The following EML6 variants were observed in gnomAD, a reference collection of about 807,000 sequenced individuals.
EML6 encodes the protein echinoderm microtubule-associated protein-like 6.
EML6 carries 154 observed loss-of-function variants against 240.1 expected under a neutral mutation model. The observed-to-expected ratio is 0.64, with a 90% CI of 0.56 to 0.73. The LOEUF (loss-of-function observed/expected upper bound fraction) is 0.73. EML6 is among the 30% of genes least tolerant of loss of function. The probability of loss-of-function intolerance (pLI) is 0.00; values close to 1 mark genes in which losing one functional copy is unlikely to be tolerated. For missense variants in EML6, 2,964 were observed against 2,474.6 expected, an observed-to-expected ratio of 1.20 and a Z score of -4.20; for synonymous variants, 1,148 against 899.0, an observed-to-expected ratio of 1.28 and a Z score of -4.95.
At chr2:54,908,089 T>G (rs1185581191) in intron 24 of EML6, among the ~76,000 whole-genome samples, 1 of 152,126 alleles carries the variant, frequency 6.6e-6, no homozygotes, top group Non-Finnish European at 1.5e-5. Flanking sequence ...TAAAGAAAAT[T>G]TTGGTTTTAA....
intron 17 of EML6, among the ~76,000 whole-genome samples, chr2:54,889,788 T>C (rs1209536987): frequency 6.6e-6 from 1 of 152,236 alleles, no homozygotes; most frequent in Non-Finnish European, 1.5e-5. Flanking sequence ...CATTAGTTTA[T>C]ATGTTCAATA....
intron 2 of EML6, among the ~76,000 whole-genome samples, chr2:54,793,923 A>G (rs1025901615): frequency 1.3e-5 from 2 of 152,144 alleles, no homozygotes. Context: ...TCCTTCTCAA[A>G]GAGAAAGTGT....
intron 2 of EML6, among the ~76,000 whole-genome samples, chr2:54,787,406 A>T (rs72917518): frequency 0.053 from 8,119 of 152,204 alleles, 693 homozygotes; most frequent in African/African-American, 0.18. Context: ...ATTGAATTGT[A>T]GTCATACAGA....
Position 54,774,555 on chromosome 2 carries a change from T to C in EML6, c.198-38677T>C, listed in dbSNP as rs745339703. On this transcript the variant is annotated intron_variant, in intron 2 of 41. Transcript: ENST00000356458. This position sits in a 1 kb window ranked among gnomAD's most constrained non-coding sequence, Gnocchi z 4.1. ...GGGAGAATGGAAGAGCTAGCATCTC[T>C]GCTACACTACATCATAGGGTGGTTG... Among the ~76,000 whole-genome samples the C allele has an allele frequency of 1.3e-5, 2 of 152,208 alleles. No individual in the cohort carries two copies. Among genetic ancestry groups the C allele is most frequent in the Non-Finnish European group, 2.9e-5 (2 of 68,032 alleles).
intron 3 of EML6, among the ~76,000 whole-genome samples, chr2:54,814,435 C>T (rs187881492): frequency 1.3e-5 from 2 of 152,294 alleles, no homozygotes; most frequent in Non-Finnish European, 2.9e-5. Context: ...AAAGTAAAAA[C>T]GGAGGGGTCA....
intron 19 of EML6, among the ~76,000 whole-genome samples, chr2:54,894,086 A>G (rs1021656132): frequency 2.0e-5 from 3 of 152,132 alleles, no homozygotes; most frequent in Non-Finnish European, 4.4e-5. Flanking sequence ...AATTCTATAT[A>G]AGAATAAGGA....
At chr2:54,936,736 A>G (rs1360594188) in intron 28 of EML6, among the ~76,000 whole-genome samples, 1 of 152,130 alleles carries the variant, frequency 6.6e-6, no homozygotes, top group Non-Finnish European at 1.5e-5. Flanking sequence ...TAGACTTACC[A>G]CTTCCTGTTT....
chr2:54,783,608 G>C (rs1668948016), intron 2 of EML6, among the ~76,000 whole-genome samples: 1 of 151,300 alleles, frequency 6.6e-6, no homozygotes, highest in African/African-American at 2.5e-5. Flanking sequence ...CGTGTAATTA[G>C]CTGTAGTTTA....
At chr2:54,813,201 A>G (rs1020151412) in intron 2 of EML6, 31 bp from the exon 3 acceptor site, 3 of 1,497,546 alleles carry the variant, frequency 2.0e-6, no homozygotes, top group Admixed American at 2.2e-5. Context: ...CTTCAGTTGG[A>G]AGATGTGAAA....
chr2:54,749,510 C>A (rs1684059998), intron 2 of EML6, among the ~76,000 whole-genome samples: 1 of 151,950 alleles, frequency 6.6e-6, no homozygotes. Context: ...GAAGATAAAA[C>A]CAACATTTTA....
chr2:54,776,154 T>G (rs1386588348), intron 2 of EML6, among the ~76,000 whole-genome samples: 1 of 152,152 alleles, frequency 6.6e-6, no homozygotes, highest in Non-Finnish European at 1.5e-5. Flanking sequence ...TTGTTTTGCC[T>G]TAGGCTTTTA....
intron 11 of EML6, among the ~76,000 whole-genome samples, chr2:54,859,067 A>G (rs1166947299): frequency 6.6e-6 from 1 of 152,248 alleles, no homozygotes. Context: ...ACCTGGGGTT[A>G]GTGTTCACTG....
At position 54,816,870 on chromosome 2, in the gene EML6, C is replaced by T. The variant is rs186281872; in HGVS notation, c.441C>T (p.Thr147=). 502 of 1,550,766 alleles carry T rather than the reference C, an allele frequency of 3.2e-4. 4 individuals carry two copies. In the East Asian group the frequency reaches 8.8e-3, roughly 27 times the overall value. Residue 147 remains threonine (T), a synonymous_variant, in exon 4 of 42, where the codon ACC becomes ACT. Transcript: ENST00000356458. ...WRKGKLLASA[T]GHSDRIFDIS... ...AGGGAAAACTTCTGGCGTCAGCCAC[C>T]GGCCATTCTGACAGGGTAAGAACTT... is the stretch of plus-strand genomic sequence containing the variant.
rs1044759456 is a variant in EML6 at position 54,910,832 on chromosome 2, T to C, written c.3410-122T>C. ...ATGCCCTTCTGAATAATTCAAAATG[T>C]ATTTACTCAATTTGTGAGACTTTGA... On this transcript the variant is annotated intron_variant, in intron 24 of 41. Coordinates refer to ENST00000356458, the MANE Select transcript of EML6 (RefSeq NM_001039753.4). 8.8e-6 allele frequency: 5 copies of C among 569,562 alleles called. No homozygotes were observed. In the African/African-American group the frequency reaches 9.3e-5, roughly 11 times the overall value. 35.3% of individuals were successfully genotyped at this position (569,562 alleles called of 1,614,324 possible).
chr2:54,799,785 T>C (rs1423624291), intron 2 of EML6, among the ~76,000 whole-genome samples: 1 of 152,172 alleles, frequency 6.6e-6, no homozygotes, highest in African/African-American at 2.4e-5. Context: ...GAAATTGAGA[T>C]TGGAGAGGTA....
chr2:54,732,387 T>C (rs926684431), intron 2 of EML6, among the ~76,000 whole-genome samples: 12 of 152,186 alleles, frequency 7.9e-5, no homozygotes, highest in African/African-American at 2.9e-4. Flanking sequence ...GTCATCAAGA[T>C]TTACTCCTAT....
At chr2:54,797,377 A>T (rs1488170164) in intron 2 of EML6, among the ~76,000 whole-genome samples, 1 of 152,062 alleles carries the variant, frequency 6.6e-6, no homozygotes, top group Non-Finnish European at 1.5e-5. Context: ...GACCTCTCTC[A>T]AACCTAACCA....
intron 8 of EML6, 129 bp from the exon 9 acceptor site, chr2:54,847,357 G>A (rs1031345950): frequency 9.1e-5 from 82 of 897,232 alleles, no homozygotes; most frequent in Non-Finnish European, 5.8e-5. Flanking sequence ...ATGATAAAGG[G>A]CTCTGGTGTG....
chr2:54,951,619 C>A lies in EML6; in HGVS notation c.4213+840C>A, dbSNP rs192305843. On this transcript the variant is annotated intron_variant, in intron 30 of 41. Transcript: ENST00000356458. Reference sequence around the variant, plus strand: ...AAATGAACATTTCAAACAAAAAGAACCATTCAGAAATTAACAGAAAACTAT... The same window carrying A: ...AAATGAACATTTCAAACAAAAAGAAACATTCAGAAATTAACAGAAAACTAT... Among the ~76,000 whole-genome samples, 260 of 151,778 alleles carry A rather than the reference C, an allele frequency of 1.7e-3. No individual in the cohort carries two copies. The Middle Eastern group carries it at 0.024, about 14-fold the overall frequency.
Sources: allele counts gnomAD v4.1 joint callset (sites outside exome capture counted in the v4.1 genomes callset), GRCh38; gene constraint gnomAD v4.1.1; non-coding constraint Gnocchi (gnomAD v3.1); transcripts MANE v1.5; gene names NCBI Gene and HGNC (gene_info 2026-07-23, HGNC 2026-07-21).